Variants in LINGO2 observed in about 807,000 individuals in gnomAD.
LINGO2 encodes the protein leucine rich repeat and Ig domain containing 2.
Under a neutral mutation model 30.6 loss-of-function variants are expected in LINGO2, and 14 were observed. That is an observed-to-expected ratio of 0.46 (90% CI 0.30 to 0.72). The LOEUF (loss-of-function observed/expected upper bound fraction) is 0.72. Among genes scored for constraint, LINGO2 ranks in the 30% least tolerant of loss-of-function variants. The probability of loss-of-function intolerance (pLI) is 0.07; values close to 1 mark genes in which losing one functional copy is unlikely to be tolerated. For synonymous variants in LINGO2, 317 were observed against 288.5 expected (o/e 1.10, Z -1.00); for missense variants, 729 against 751.7 (o/e 0.97, Z 0.35).
the LINGO2 span, among the ~76,000 whole-genome samples, chr9:28,857,350 C>G: frequency 6.6e-6 from 1 of 152,148 alleles, no homozygotes; most frequent in South Asian, 2.1e-4. Context: ...TTACATGTTA[C>G]TTATAATTTA....
intron 2 of LINGO2, among the ~76,000 whole-genome samples, chr9:28,426,402 A>T (rs559613514): frequency 2.0e-5 from 3 of 152,266 alleles, no homozygotes; most frequent in African/African-American, 7.2e-5. Flanking sequence ...TCATGTTTTT[A>T]AAATAAAACT....
At chr9:28,750,601 T>A in the LINGO2 span, among the ~76,000 whole-genome samples, 23 of 152,036 alleles carry the variant, frequency 1.5e-4, no homozygotes, top group Admixed American at 1.5e-3. Flanking sequence ...GGAAGAGCAA[T>A]AATTTATACT....
intron 2 of LINGO2, among the ~76,000 whole-genome samples, chr9:28,447,534 G>A (rs912214534): frequency 6.6e-6 from 1 of 152,144 alleles, no homozygotes; most frequent in Non-Finnish European, 1.5e-5. Flanking sequence ...AGCAGCCCAG[G>A]TGGACTAAGA....
intron 3 of LINGO2, among the ~76,000 whole-genome samples, chr9:28,315,123 A>T (rs1368457623): frequency 1.3e-5 from 2 of 151,368 alleles, no homozygotes; most frequent in Admixed American, 6.6e-5. Context: ...TCAGAGATGG[A>T]TAAAAAAAGA....
chr9:28,586,289 G>A (rs1554641841), intron 1 of LINGO2, among the ~76,000 whole-genome samples: 2 of 151,868 alleles, frequency 1.3e-5, no homozygotes, highest in Admixed American at 6.6e-5. Flanking sequence ...TCTACAACAT[G>A]CCCTGCCTCC....
At chr9:28,750,919 A>T in the LINGO2 span, among the ~76,000 whole-genome samples, 6 of 151,984 alleles carry the variant, frequency 3.9e-5, no homozygotes, top group Non-Finnish European at 5.9e-5. Context: ...AAAATAATGC[A>T]TTGTGATAAT....
intron 4 of LINGO2, among the ~76,000 whole-genome samples, chr9:28,185,987 C>T (rs989371051): frequency 4.6e-5 from 7 of 152,076 alleles, no homozygotes; most frequent in Non-Finnish European, 1.0e-4. Flanking sequence ...TGATAAAACC[C>T]GAGAACAGAG....
chr9:28,267,721 ACGC>A (rs1188785501), intron 4 of LINGO2, among the ~76,000 whole-genome samples: 3 of 151,926 alleles, frequency 2.0e-5, no homozygotes, highest in Non-Finnish European at 4.4e-5. Flanking sequence ...CTTTCTTCGT[ACGC>A]CAAATTTCTA....
intron 3 of LINGO2, among the ~76,000 whole-genome samples, chr9:28,321,823 C>T (rs977656511): frequency 6.6e-6 from 1 of 152,044 alleles, no homozygotes; most frequent in Non-Finnish European, 1.5e-5. Flanking sequence ...ATTACACCCA[C>T]CAATGAAGAG....
the LINGO2 span, among the ~76,000 whole-genome samples, chr9:28,836,378 G>A: frequency 2.0e-5 from 3 of 152,056 alleles, no homozygotes; most frequent in Non-Finnish European, 4.4e-5. Flanking sequence ...GCAATGGGGC[G>A]ATCTCGGCTC....
At chr9:28,070,715 T>C (rs1825448316) in intron 4 of LINGO2, among the ~76,000 whole-genome samples, 1 of 149,408 alleles carries the variant, frequency 6.7e-6, no homozygotes, top group South Asian at 2.1e-4. Context: ...TTTTGTTTTG[T>C]TCTGTTTGTT....
intron 4 of LINGO2, among the ~76,000 whole-genome samples, chr9:28,202,613 T>C (rs1820276383): frequency 6.6e-6 from 1 of 152,148 alleles, no homozygotes; most frequent in Non-Finnish European, 1.5e-5. Flanking sequence ...GTCATATATA[T>C]TGTTTAGAAA....
At chr9:28,368,947 A>T (rs1820793286) in intron 3 of LINGO2, among the ~76,000 whole-genome samples, 1 of 152,174 alleles carries the variant, frequency 6.6e-6, no homozygotes, top group African/African-American at 2.4e-5. Context: ...CAAGACCAGT[A>T]CTTCTCCAGT....
At chr9:29,099,080 G>A in the LINGO2 span, among the ~76,000 whole-genome samples, 1 of 152,238 alleles carries the variant, frequency 6.6e-6, no homozygotes, top group African/African-American at 2.4e-5. Context: ...AAATCCATAT[G>A]TCTGCAGTGA....
At chr9:28,843,682 TGCTAGCAACTGTAA>T in the LINGO2 span, among the ~76,000 whole-genome samples, 1 of 151,856 alleles carries the variant, frequency 6.6e-6, no homozygotes, top group African/African-American at 2.4e-5. Flanking sequence ...TATGCTGACC[TGCTAGCAACTGTAA>T]GCTCTCAGTA....
intron 4 of LINGO2, among the ~76,000 whole-genome samples, chr9:28,268,858 T>A (rs1447229193): frequency 6.6e-6 from 1 of 152,090 alleles, no homozygotes; most frequent in East Asian, 1.9e-4. Context: ...CAGTTGAGTG[T>A]CATCTAAATG....
At chr9:29,092,248 G>C in the LINGO2 span, among the ~76,000 whole-genome samples, 1 of 151,970 alleles carries the variant, frequency 6.6e-6, no homozygotes, top group East Asian at 1.9e-4. Context: ...TTAGAGTCAG[G>C]GCACAGATCA....
intron 5 of LINGO2, among the ~76,000 whole-genome samples, chr9:27,987,534 G>A (rs955464948): frequency 1.3e-5 from 2 of 151,884 alleles, no homozygotes; most frequent in Admixed American, 1.3e-4. Flanking sequence ...AATAGCTCTA[G>A]ATCACTGTTA....
chr9:28,647,780 G>T (rs1827904185), intron 1 of LINGO2, among the ~76,000 whole-genome samples: 1 of 151,672 alleles, frequency 6.6e-6, no homozygotes, highest in South Asian at 2.1e-4. Flanking sequence ...CAAAGAGTTT[G>T]GGATTATACC....
Sources: allele counts gnomAD v4.1 joint callset (sites outside exome capture counted in the v4.1 genomes callset), GRCh38; gene constraint gnomAD v4.1.1; transcripts MANE v1.5; gene names NCBI Gene and HGNC (gene_info 2026-07-23, HGNC 2026-07-21).